Variants in RNF115 observed in about 807,000 individuals in gnomAD.
RNF115 encodes the protein ring finger protein 115.
A neutral mutation model predicts 39.2 loss-of-function variants in RNF115; 31 were observed. The ratio of observed to expected loss-of-function variants is 0.79; its 90% confidence interval spans 0.59 to 1.07. RNF115 has a LOEUF of 1.07. Ranked by LOEUF, RNF115 falls within the 50% of genes least tolerant of loss-of-function variation. The pLI is 0.00. For missense variants in RNF115, 384 were observed against 381.7 expected, an observed-to-expected ratio of 1.01 and a Z score of -0.05; for synonymous variants, 124 against 131.0, an observed-to-expected ratio of 0.95 and a Z score of 0.37.
chr1:145,803,463 C>T (rs1649337050), intron 1 of RNF115, among the ~76,000 whole-genome samples: 1 of 152,154 alleles, frequency 6.6e-6, no homozygotes, highest in African/African-American at 2.4e-5. Context: ...GATCTTGGCT[C>T]ACTGCAAACT....
chr1:145,763,251 A>C (rs1463772386), intron 4 of RNF115, among the ~76,000 whole-genome samples: 2 of 152,250 alleles, frequency 1.3e-5, no homozygotes, highest in East Asian at 3.8e-4. Flanking sequence ...CGTATTATTT[A>C]GGTGGGACAC....
Position 145,824,085 on chromosome 1 carries a change from G to T in RNF115, c.-212C>A. The T allele has an allele frequency of 6.6e-6, 3 of 455,566 alleles. No individual in the cohort carries two copies. The highest frequency in any genetic ancestry group is 3.8e-6 in the Non-Finnish European group (1 of 260,470). The allele number at this position is 455,566 out of a possible 1,614,324, so 28.2% of individuals were successfully genotyped here. On this transcript the variant is annotated 5_prime_UTR_variant, in exon 1 of 9. Transcript: ENST00000582693. ...GCCTCCCAGCACCAAAGAGGCGCAG[G>T]AAGGAGAGACAAACGGCCCGCCCGC...
intron 2 of RNF115, among the ~76,000 whole-genome samples, chr1:145,787,571 C>CAAAAAAA (rs1192063003): frequency 2.2e-5 from 2 of 88,900 alleles, no homozygotes; most frequent in Non-Finnish European, 4.4e-5. Context: ...GACTCCGTCA[C>CAAAAAAA]AAAAAAAAAA....
chr1:145,820,820 G>A (rs1369727860), intron 1 of RNF115, among the ~76,000 whole-genome samples: 1 of 150,910 alleles, frequency 6.6e-6, no homozygotes, highest in Non-Finnish European at 1.5e-5. Flanking sequence ...ATAAGTATGT[G>A]AGGTAATGCA....
chr1:145,775,795 A>C (rs1006770857), intron 3 of RNF115, among the ~76,000 whole-genome samples: 2 of 152,140 alleles, frequency 1.3e-5, no homozygotes, highest in Non-Finnish European at 2.9e-5. Flanking sequence ...CAGAAGTTCG[A>C]GATCAGCCTG....
At chr1:145,796,903 C>T (rs1318058659) in intron 1 of RNF115, among the ~76,000 whole-genome samples, 1 of 152,010 alleles carries the variant, frequency 6.6e-6, no homozygotes, top group Non-Finnish European at 1.5e-5. Context: ...CCTAACTGTC[C>T]CATAGAACTG....
intron 7 of RNF115, among the ~76,000 whole-genome samples, chr1:145,749,905 C>T (rs1456820276): frequency 1.3e-5 from 2 of 152,302 alleles, no homozygotes; most frequent in East Asian, 3.9e-4. Flanking sequence ...AATGCTGTCC[C>T]TTGTCACTAA....
At chr1:145,752,585 C>CTTTTTTTT (rs60257682) in intron 5 of RNF115, among the ~76,000 whole-genome samples, 2,670 of 83,686 alleles carry the variant, frequency 0.032, 122 homozygotes, top group East Asian at 0.045. Flanking sequence ...CTATGCAGCT[C>CTTTTTTTT]TTTTTTTTTT....
intron 4 of RNF115, among the ~76,000 whole-genome samples, chr1:145,768,157 G>A (rs1307613263): frequency 2.0e-5 from 3 of 152,220 alleles, no homozygotes; most frequent in Non-Finnish European, 4.4e-5. Flanking sequence ...CCTTTGTTCT[G>A]GCCTCACTCC....
At chr1:145,796,538 C>T (rs1648990609) in intron 1 of RNF115, among the ~76,000 whole-genome samples, 1 of 151,788 alleles carries the variant, frequency 6.6e-6, no homozygotes, top group African/African-American at 2.4e-5. Flanking sequence ...AGGTGCATCC[C>T]ACTGCACCTG....
At chr1:145,775,142 G>T (rs1316565301) in intron 3 of RNF115, among the ~76,000 whole-genome samples, 1 of 152,118 alleles carries the variant, frequency 6.6e-6, no homozygotes, top group Admixed American at 6.5e-5. Flanking sequence ...AGCTACTCGG[G>T]AGGCTGAGTG....
intron 3 of RNF115, among the ~76,000 whole-genome samples, chr1:145,776,371 C>T (rs1158988356): frequency 1.3e-5 from 2 of 151,564 alleles, no homozygotes; most frequent in Non-Finnish European, 2.9e-5. Flanking sequence ...ACCATGTTGG[C>T]CAGACTGGTC....
chr1:145,767,051 C>A (rs1375858083), intron 4 of RNF115, among the ~76,000 whole-genome samples: 1 of 134,528 alleles, frequency 7.4e-6, no homozygotes, highest in Non-Finnish European at 1.6e-5. Context: ...CCGGACGGGG[C>A]GGCTGGCAGG....
intron 3 of RNF115, chr1:145,773,851 T>C (rs1647760962): frequency 6.6e-6 from 1 of 152,096 alleles, no homozygotes; most frequent in African/African-American, 2.4e-5. Flanking sequence ...GGCAGTCCTT[T>C]GGAGAAAGGA....
intron 3 of RNF115, among the ~76,000 whole-genome samples, chr1:145,777,924 G>A (rs1647956911): frequency 6.6e-6 from 1 of 152,002 alleles, no homozygotes. Context: ...AAAATATTAT[G>A]GTCTGTTCCT....
intron 1 of RNF115, among the ~76,000 whole-genome samples, chr1:145,795,016 C>CAA (rs782249648): frequency 0.35 from 27,141 of 77,914 alleles, 4,256 homozygotes; most frequent in Non-Finnish European, 0.43. Context: ...GACTCCATTT[C>CAA]AAAAAAAAAA....
intron 1 of RNF115, among the ~76,000 whole-genome samples, chr1:145,794,170 C>T (rs994759805): frequency 6.6e-6 from 1 of 152,146 alleles, no homozygotes; most frequent in African/African-American, 2.4e-5. Flanking sequence ...TAAGTCGTGT[C>T]CTGCTTCTCT....
At chr1:145,800,124 T>C (rs190388207) in intron 1 of RNF115, among the ~76,000 whole-genome samples, 1 of 152,298 alleles carries the variant, frequency 6.6e-6, no homozygotes, top group Admixed American at 6.5e-5. Context: ...CTGAGAAACA[T>C]AGTCGGGTGA....
chr1:145,805,673 C>T (rs1049351865), intron 1 of RNF115, among the ~76,000 whole-genome samples: 1 of 152,068 alleles, frequency 6.6e-6, no homozygotes, highest in Non-Finnish European at 1.5e-5. Context: ...ATGTCAGTGG[C>T]TACCACATGA....
Sources: allele counts gnomAD v4.1 joint callset (sites outside exome capture counted in the v4.1 genomes callset), GRCh38; gene constraint gnomAD v4.1.1; transcripts MANE v1.5; gene names NCBI Gene and HGNC (gene_info 2026-07-23, HGNC 2026-07-21).